MSRA: variants seen among roughly 807,000 people sequenced by gnomAD.
The protein encoded by MSRA is methionine sulfoxide reductase A, also known as mitochondrial peptide methionine sulfoxide reductase.
A neutral mutation model predicts 31.3 loss-of-function variants in MSRA; 54 were observed. The ratio of observed to expected loss-of-function variants is 1.73; its 90% CI spans 1.39 to 2.17. The LOEUF is 2.17. MSRA is among the 30% of genes most tolerant of loss of function. The probability of loss-of-function intolerance (pLI) is 0.00; values close to 1 mark genes in which losing one functional copy is unlikely to be tolerated. For synonymous variants in MSRA, 169 were observed against 116.5 expected, an observed-to-expected ratio of 1.45 and a Z score of -2.90; for missense variants, 507 against 300.9, an observed-to-expected ratio of 1.69 and a Z score of -5.07.
intron 5 of MSRA, among the ~76,000 whole-genome samples, chr8:10,352,020 C>T (rs1430319680): frequency 1.3e-5 from 2 of 152,168 alleles, no homozygotes; most frequent in Non-Finnish European, 2.9e-5. Flanking sequence ...AGTCGAATCA[C>T]TAAGATTTCT....
At chr8:10,315,173 C>T (rs1047794445) in intron 4 of MSRA, among the ~76,000 whole-genome samples, 3 of 152,204 alleles carry the variant, frequency 2.0e-5, no homozygotes, top group African/African-American at 7.2e-5. Context: ...ATTCAGTTAC[C>T]TCCCACCAGG....
chr8:10,172,530 G>T (rs1278773652), intron 1 of MSRA, among the ~76,000 whole-genome samples: 4 of 152,162 alleles, frequency 2.6e-5, no homozygotes, highest in Non-Finnish European at 4.4e-5. Context: ...AGGGGCGGAG[G>T]TTAGGGAATA....
intron 2 of MSRA, among the ~76,000 whole-genome samples, chr8:10,212,832 A>C (rs1368479037): frequency 6.6e-6 from 1 of 152,180 alleles, no homozygotes; most frequent in South Asian, 2.1e-4. Context: ...TGGAACACTG[A>C]AACATTTAAA....
intron 1 of MSRA, among the ~76,000 whole-genome samples, chr8:10,060,637 AGTT>A (rs1192799952): frequency 6.9e-6 from 1 of 144,622 alleles, no homozygotes; most frequent in African/African-American, 2.5e-5. Context: ...ACTTACTTGA[AGTT>A]TTTTTTTTTT....
intron 2 of MSRA, among the ~76,000 whole-genome samples, chr8:10,214,639 A>C (rs1216196240): frequency 6.6e-6 from 1 of 152,224 alleles, no homozygotes. Context: ...AGAAAGAATG[A>C]CATTGAAATG....
intron 5 of MSRA, among the ~76,000 whole-genome samples, chr8:10,392,893 A>C (rs968646600): frequency 2.7e-5 from 2 of 75,064 alleles, no homozygotes; most frequent in African/African-American, 7.0e-5. Context: ...AAAAATGCAA[A>C]AAAAAAAAAA....
chr8:10,180,537 G>T (rs996802009), intron 1 of MSRA, among the ~76,000 whole-genome samples: 1 of 152,114 alleles, frequency 6.6e-6, no homozygotes, highest in Non-Finnish European at 1.5e-5. Flanking sequence ...GTTCCTCCGG[G>T]AGCCAGTCCC....
chr8:10,086,756 A>T (rs1798575122), intron 1 of MSRA, among the ~76,000 whole-genome samples: 1 of 152,246 alleles, frequency 6.6e-6, no homozygotes, highest in Middle Eastern at 3.4e-3. Flanking sequence ...AATACTTAAT[A>T]AATCAATGAA....
chr8:10,313,392 T>C (rs757095096), intron 4 of MSRA, among the ~76,000 whole-genome samples: 7 of 151,996 alleles, frequency 4.6e-5, no homozygotes, highest in Non-Finnish European at 8.8e-5. Context: ...TTCTATTATG[T>C]CCACCCACTG....
chr8:10,323,927 AC>A (rs1802210182), intron 5 of MSRA, among the ~76,000 whole-genome samples: 1 of 152,018 alleles, frequency 6.6e-6, no homozygotes, highest in South Asian at 2.1e-4. Context: ...CTGCTTAATC[AC>A]CAACTCAGGG....
chr8:10,405,563 C>A (rs1807753634), intron 5 of MSRA, among the ~76,000 whole-genome samples: 1 of 152,198 alleles, frequency 6.6e-6, no homozygotes, highest in South Asian at 2.1e-4. Flanking sequence ...TTCTCTGGAA[C>A]TTGGACTACT....
At chr8:10,065,836 C>G (rs988044242) in intron 1 of MSRA, among the ~76,000 whole-genome samples, 1 of 152,044 alleles carries the variant, frequency 6.6e-6, no homozygotes, top group African/African-American at 2.4e-5. Context: ...GGAACACAGT[C>G]GCCCTGCTAT....
intron 1 of MSRA, among the ~76,000 whole-genome samples, chr8:10,073,374 C>A (rs1036811260): frequency 6.6e-6 from 1 of 152,136 alleles, no homozygotes; most frequent in Admixed American, 6.5e-5. Context: ...GGAACACAGG[C>A]ATGCTTATTG....
At chr8:10,149,204 T>C (rs1374415977) in intron 1 of MSRA, among the ~76,000 whole-genome samples, 1 of 151,826 alleles carries the variant, frequency 6.6e-6, no homozygotes, top group African/African-American at 2.4e-5. Context: ...TCACTGCAAC[T>C]TCCGCCTCCC....
chr8:10,147,910 A>T (rs1476533386), intron 1 of MSRA, among the ~76,000 whole-genome samples: 2 of 152,214 alleles, frequency 1.3e-5, no homozygotes, highest in Admixed American at 1.3e-4. Flanking sequence ...CCTCAGACTG[A>T]TGCGAAACTC....
At position 10,151,505 on chromosome 8, in the gene MSRA, C is replaced by T. The variant is rs1251396158; in HGVS notation, c.143-56328C>T. 2.0e-5 allele frequency among the ~76,000 whole-genome samples: 3 copies of T among 152,004 alleles called. No individual in the cohort carries two copies. In the East Asian group the frequency reaches 5.8e-4, roughly 29 times the overall value. On this transcript the variant is annotated intron_variant, in intron 1 of 5. Transcript: ENST00000317173. ...AAAAATACAAAAAATAAAAAATTAGCCGGGCGTGTTGGCAGGTGCCTGTAG... is the reference window on the plus strand; with the variant it reads ...AAAAATACAAAAAATAAAAAATTAGTCGGGCGTGTTGGCAGGTGCCTGTAG...
intron 1 of MSRA, 56 bp downstream of exon 1, chr8:10,054,714 G>C (rs892174473): frequency 7.1e-7 from 1 of 1,409,108 alleles, no homozygotes; most frequent in African/African-American, 1.5e-5. Context: ...GCGCGCCTTT[G>C]CCCGGCGGCA....
At chr8:10,156,809 CTTTT>C (rs58761026) in intron 1 of MSRA, among the ~76,000 whole-genome samples, 1 of 125,054 alleles carries the variant, frequency 8.0e-6, no homozygotes. Flanking sequence ...AGCTTCATTC[CTTTT>C]TTTTTTTTTT....
At chr8:10,169,550 T>G (rs1043988168) in intron 1 of MSRA, among the ~76,000 whole-genome samples, 6 of 152,234 alleles carry the variant, frequency 3.9e-5, no homozygotes, top group Non-Finnish European at 5.9e-5. Flanking sequence ...TCTCTGTGAC[T>G]TTGTGTTAGG....
Sources: gnomAD v4.1 joint callset for allele counts (sites outside exome capture counted in the v4.1 genomes callset) on GRCh38, gnomAD v4.1.1 for gene constraint, MANE v1.5 for transcripts, NCBI Gene and HGNC (gene_info 2026-07-23, HGNC 2026-07-21) for gene names.